The following PDXDC1 variants were observed in gnomAD, a reference collection of about 807,000 sequenced individuals.
PDXDC1 encodes pyridoxal dependent decarboxylase domain containing 1, also known as pyridoxal-dependent decarboxylase domain-containing protein 1.
PDXDC1 carries 42 observed loss-of-function variants against 100.1 expected under a neutral mutation model. The ratio of observed to expected loss-of-function variants is 0.42; its 90% CI spans 0.33 to 0.54. PDXDC1 has a LOEUF of 0.54. Among genes scored for constraint, PDXDC1 ranks in the 20% least tolerant of loss-of-function variants. The pLI is 0.10. For missense variants in PDXDC1, 636 were observed against 979.2 expected (o/e 0.65, Z 4.68); for synonymous variants, 260 against 371.7 (o/e 0.70, Z 3.46).
intron 16 of PDXDC1, chr16:15,134,089 G>A (rs1339482497): frequency 2.6e-6 from 4 of 1,564,852 alleles, no homozygotes; most frequent in Non-Finnish European, 3.5e-6. Context: ...AGGCAGAAGG[G>A]GTGGTGAGGG....
intron 16 of PDXDC1, among the ~76,000 whole-genome samples, chr16:15,043,475 G>GA (rs1269748193): frequency 6.6e-6 from 1 of 152,222 alleles, no homozygotes; most frequent in Non-Finnish European, 1.5e-5. Context: ...CCAGTAGGTT[G>GA]AGGCTGCAGT....
chr16:15,061,490 T>C (rs2044708301), intron 16 of PDXDC1: 1 of 397,006 alleles, frequency 2.5e-6, no homozygotes. Context: ...AAGCAAATCC[T>C]TCCAAATGTA....
chr16:15,133,900 A>C (rs2048228243), intron 16 of PDXDC1: 1 of 1,479,692 alleles, frequency 6.8e-7, no homozygotes, highest in Non-Finnish European at 9.2e-7. Context: ...AGGGGGATGG[A>C]GGCGCAGCCC....
At chr16:14,981,675 CG>C (rs1358878734) in intron 1 of PDXDC1, among the ~76,000 whole-genome samples, 2 of 152,284 alleles carry the variant, frequency 1.3e-5, no homozygotes, top group African/African-American at 2.4e-5. Flanking sequence ...TTTTGGAACA[CG>C]GAGTTGGATC....
intron 17 of PDXDC1, chr16:15,032,620 C>G: frequency 2.6e-6 from 1 of 377,688 alleles, no homozygotes; most frequent in Non-Finnish European, 4.7e-6. Context: ...TGCCACTGCA[C>G]CCCAGCCTGG....
At chr16:15,028,291 C>G (rs1279160693) in intron 14 of PDXDC1, among the ~76,000 whole-genome samples, 5 of 152,302 alleles carry the variant, frequency 3.3e-5, no homozygotes, top group Non-Finnish European at 7.3e-5. Context: ...CTCCTCCTCA[C>G]CATTTCGGTC....
At chr16:15,069,663 G>A (rs2045139286) in intron 16 of PDXDC1, among the ~76,000 whole-genome samples, 1 of 152,148 alleles carries the variant, frequency 6.6e-6, no homozygotes, top group Non-Finnish European at 1.5e-5. Flanking sequence ...TGACTTTCCT[G>A]TGCTTTAGTG....
chr16:14,998,509 A>G (rs1227686534), intron 3 of PDXDC1, 104 bp downstream of exon 3: 21 of 1,291,500 alleles, frequency 1.6e-5, no homozygotes, highest in Middle Eastern at 1.9e-4. Flanking sequence ...CAGTGGCACA[A>G]TCTGGGCTCG....
rs1031313891 is a variant in PDXDC1, at chr16:15,000,320, T to C, written c.162-1456T>C. Among the ~76,000 whole-genome samples, 10 of 152,408 alleles carry C rather than the reference T, an allele frequency of 6.6e-5. No homozygotes were observed. In the South Asian group the frequency reaches 2.1e-3, roughly 32 times the overall value. On this transcript the variant is annotated intron_variant, in intron 3 of 22. Coordinates refer to ENST00000396410, the MANE Select transcript of PDXDC1 (RefSeq NM_015027.4). ...GCACAGCTAAGTGCCATACCTTCACTGTCTGAAGCCTCCCAAATCCATAAC... is the reference window on the plus strand; with the variant it reads ...GCACAGCTAAGTGCCATACCTTCACCGTCTGAAGCCTCCCAAATCCATAAC...
At chr16:15,076,907 C>T (rs2045479884) in intron 16 of PDXDC1, among the ~76,000 whole-genome samples, 1 of 152,114 alleles carries the variant, frequency 6.6e-6, no homozygotes, top group African/African-American at 2.4e-5. Flanking sequence ...ATGCTCTATG[C>T]CAGGCAGCCT....
At chr16:15,111,316 C>T (rs1254899190) in intron 16 of PDXDC1, among the ~76,000 whole-genome samples, 2 of 147,334 alleles carry the variant, frequency 1.4e-5, no homozygotes, top group Non-Finnish European at 3.0e-5. Flanking sequence ...ATTAGCCAGG[C>T]ATGGTGGTGC....
chr16:14,996,972 C>T (rs1475297696), intron 1 of PDXDC1, among the ~76,000 whole-genome samples: 2 of 152,234 alleles, frequency 1.3e-5, no homozygotes. Flanking sequence ...TGTCCAGTTG[C>T]CTTGGAGTGT....
At position 15,128,760 on chromosome 16, in the gene PDXDC1, G is replaced by A. The variant is rs140466710; in HGVS notation, c.1400-10119G>A. 8.5e-3 allele frequency among the ~76,000 whole-genome samples: 1,294 copies of A among 151,466 alleles called. 22 individuals are homozygous for A. Among genetic ancestry groups the A allele is most frequent in the African/African-American group, 0.029 (1,205 of 41,270 alleles). ...TCAGTTCATGCATAGACTGCAAAGC[G>A]TGAAGCTGTGTCACCTCCTCTCCCA... On this transcript the variant is annotated intron_variant, in intron 16 of 16. Coordinates refer to the PDXDC1 transcript ENST00000535621.
Position 15,038,057 on chromosome 16 carries a change from CCCACAAG to C in PDXDC1, c.*1786_*1792del. On this transcript the variant is annotated 3_prime_UTR_variant, in exon 23 of 23. Coordinates refer to ENST00000396410, the MANE Select transcript of PDXDC1 (RefSeq NM_015027.4). ...TAACTTCCTGGAGAAGAGATCTTTT[CCCACAAG>C]CCATCTTCATTTTTTTTGTAGAGTA... 1 of 1,612,554 alleles carries C rather than the reference CCCACAAG, an allele frequency of 6.2e-7. No individual in the cohort carries two copies. The highest frequency in any genetic ancestry group is 8.5e-7 in the Non-Finnish European group (1 of 1,179,488).
chr16:15,130,781 C>A (rs1210134739), intron 16 of PDXDC1: 3 of 1,066,296 alleles, frequency 2.8e-6, no homozygotes, highest in Middle Eastern at 2.8e-4. Flanking sequence ...GTTCCTCAGA[C>A]AGGTAGCGGC....
intron 16 of PDXDC1, chr16:15,070,289 A>T (rs3907878): frequency 0.014 from 21,465 of 1,563,708 alleles, 634 homozygotes; most frequent in African/African-American, 0.078. Flanking sequence ...AACTTTACAC[A>T]TCATAAAAAA....
intron 16 of PDXDC1, chr16:15,061,430 C>T (rs2044706312): frequency 3.2e-6 from 1 of 313,882 alleles, no homozygotes; most frequent in Non-Finnish European, 5.8e-6. Flanking sequence ...TAGAAATTAC[C>T]CAGTAATTGT....
chr16:15,053,651 C>T (rs994781410), intron 16 of PDXDC1, among the ~76,000 whole-genome samples: 2 of 152,054 alleles, frequency 1.3e-5, no homozygotes, highest in African/African-American at 2.4e-5. Flanking sequence ...TGGCTCACAC[C>T]GGTAATCCCA....
At position 15,111,053 on chromosome 16, in the gene PDXDC1, G is replaced by T. The variant is rs184341954; in HGVS notation, c.1400-27826G>T. On this transcript the variant is annotated intron_variant, in intron 16 of 16. Coordinates refer to the PDXDC1 transcript ENST00000535621. Reference sequence around the variant, plus strand: ...CTGAGGCAGAGAACCGTTTGAAGCTGGGAGGCGGAGGTTGCAGTGAGCGGA... The same window carrying T: ...CTGAGGCAGAGAACCGTTTGAAGCTTGGAGGCGGAGGTTGCAGTGAGCGGA... Among the ~76,000 whole-genome samples the T allele has an allele frequency of 1.7e-4, 26 of 148,920 alleles. 2 individuals are homozygous for T. Among genetic ancestry groups the T allele is most frequent in the Non-Finnish European group, 3.5e-4 (23 of 66,654 alleles).
Sources: allele counts gnomAD v4.1 joint callset (sites outside exome capture counted in the v4.1 genomes callset), GRCh38; gene constraint gnomAD v4.1.1; transcripts MANE v1.5; gene names NCBI Gene and HGNC (gene_info 2026-07-23, HGNC 2026-07-21).